FAM184A: variants seen among roughly 807,000 people sequenced by gnomAD.
FAM184A encodes the protein protein FAM184A.
In FAM184A, 99 loss-of-function variants were observed where a neutral mutation model predicts 143.8. That is an observed-to-expected ratio of 0.69 (90% CI 0.58 to 0.81). The LOEUF is 0.81. Ranked by LOEUF, FAM184A falls within the 40% of genes least tolerant of loss-of-function variation. The pLI is 0.00. For synonymous variants in FAM184A, 427 were observed against 446.4 expected (o/e 0.96, Z 0.55); for missense variants, 1,217 against 1,310.5 (o/e 0.93, Z 1.10).
At chr6:118,968,889 T>C (rs1472931396) in intron 14 of FAM184A, among the ~76,000 whole-genome samples, 1 of 152,154 alleles carries the variant, frequency 6.6e-6, no homozygotes, top group African/African-American at 2.4e-5. Flanking sequence ...AGCTTAAACA[T>C]CCTTTGCCTA....
intron 1 of FAM184A, among the ~76,000 whole-genome samples, chr6:119,030,668 T>C (rs1003027111): frequency 6.6e-6 from 1 of 152,006 alleles, no homozygotes; most frequent in Non-Finnish European, 1.5e-5. Context: ...AAGACTTCCT[T>C]ATTAGTTGTA....
chr6:118,986,089 C>G (rs974663331), intron 9 of FAM184A, among the ~76,000 whole-genome samples: 1 of 152,018 alleles, frequency 6.6e-6, no homozygotes, highest in African/African-American at 2.4e-5. Context: ...GTCAGGAGAT[C>G]GAGACCATCC....
At chr6:118,999,907 A>G (rs1220104087) in intron 9 of FAM184A, among the ~76,000 whole-genome samples, 2 of 152,196 alleles carry the variant, frequency 1.3e-5, no homozygotes, top group Non-Finnish European at 2.9e-5. Context: ...GATCATTTTT[A>G]AAGTCACCTA....
In FAM184A at chr6:118,964,660, C is replaced by T; in HGVS notation, c.3138+7G>A. 6.6e-7 allele frequency: 1 copy of T among 1,517,940 alleles called. No homozygotes were observed. The highest frequency in any genetic ancestry group is 9.1e-7 in the Non-Finnish European group (1 of 1,097,642). 94.0% of individuals were successfully genotyped at this position (1,517,940 alleles called of 1,614,324 possible). A position where few individuals can be genotyped will look rare whatever the true frequency, so the allele number is the denominator to read the frequency against. ...CATTCCTATTCTACAGTGTTTACGG[C>T]ACATACCTTAGCCAATGGATTAATA... On this transcript the variant is annotated splice_region_variant and intron_variant, in intron 16 of 17. Transcript: ENST00000338891.
chr6:118,965,215 T>TTTTTTTTTTTTTTTG, intron 15 of FAM184A, among the ~76,000 whole-genome samples: 1 of 150,536 alleles, frequency 6.6e-6, no homozygotes. Context: ...GTTTTTTTTT[T>TTTTTTTTTTTTTTTG]TTTTTTGGTG....
At chr6:119,047,113 C>T (rs991048332) in intron 1 of FAM184A, among the ~76,000 whole-genome samples, 27 of 151,514 alleles carry the variant, frequency 1.8e-4, no homozygotes, top group Non-Finnish European at 3.7e-4. Flanking sequence ...AAATGGCAAA[C>T]AGGCATATAA....
chr6:119,114,294 C>A (rs1789005539), intron 1 of FAM184A, among the ~76,000 whole-genome samples: 2 of 152,204 alleles, frequency 1.3e-5, no homozygotes, highest in South Asian at 4.1e-4. Flanking sequence ...GATTTTCAGA[C>A]AAACAGCAAA....
intron 1 of FAM184A, among the ~76,000 whole-genome samples, chr6:119,062,785 A>G (rs1016165281): frequency 1.3e-5 from 2 of 152,228 alleles, no homozygotes; most frequent in African/African-American, 2.4e-5. Context: ...TCACTCAGAT[A>G]AAGCTAAACA....
At chr6:119,102,698 G>A (rs1233025279) in intron 1 of FAM184A, among the ~76,000 whole-genome samples, 4 of 138,240 alleles carry the variant, frequency 2.9e-5, no homozygotes, top group African/African-American at 1.1e-4. Flanking sequence ...GCTGAGGCAG[G>A]AGAATCGTTT....
upstream of FAM184A, among the ~76,000 whole-genome samples, chr6:119,079,629 C>A (rs1788002610): frequency 6.6e-6 from 1 of 152,114 alleles, no homozygotes. Flanking sequence ...AGAATTGTAC[C>A]TGTTTTTTTA....
intron 1 of FAM184A, among the ~76,000 whole-genome samples, chr6:119,138,593 C>CTTATTATTA (rs141615745): frequency 2.0e-5 from 3 of 148,180 alleles, no homozygotes; most frequent in Admixed American, 6.8e-5. Flanking sequence ...CGCTCTTTCA[C>CTTATTATTA]TTATTATTAT....
At chr6:119,034,689 A>G (rs1786044221) in intron 1 of FAM184A, among the ~76,000 whole-genome samples, 1 of 151,522 alleles carries the variant, frequency 6.6e-6, no homozygotes, top group African/African-American at 2.4e-5. Flanking sequence ...TTTATTTTAT[A>G]GGTTTTTAAT....
intron 1 of FAM184A, among the ~76,000 whole-genome samples, chr6:119,042,544 T>C (rs540508518): frequency 6.6e-5 from 10 of 152,280 alleles, no homozygotes; most frequent in African/African-American, 2.2e-4. Context: ...CGTGGACCCA[T>C]ATGGATTCAC....
At chr6:119,140,552 G>T (rs118039234) in intron 1 of FAM184A, among the ~76,000 whole-genome samples, 1 of 152,112 alleles carries the variant, frequency 6.6e-6, no homozygotes, top group Non-Finnish European at 1.5e-5. Flanking sequence ...CATGCTCTCC[G>T]CTTTCTTTCA....
chr6:119,103,667 C>A (rs562039033), intron 1 of FAM184A, among the ~76,000 whole-genome samples: 1 of 152,070 alleles, frequency 6.6e-6, no homozygotes, highest in South Asian at 2.1e-4. Context: ...GTGGCTCAAG[C>A]CTGTAATCCT....
intron 1 of FAM184A, among the ~76,000 whole-genome samples, chr6:119,031,891 T>C (rs1278908310): frequency 6.6e-6 from 1 of 152,066 alleles, no homozygotes; most frequent in Non-Finnish European, 1.5e-5. Context: ...AAAAATGATA[T>C]AAGGCAAGTA....
intron 16 of FAM184A, chr6:118,963,101 G>A (rs1025553796): frequency 6.6e-6 from 1 of 151,980 alleles, no homozygotes; most frequent in Non-Finnish European, 1.5e-5. Context: ...AACTATTTGT[G>A]AAAACTAAAG....
chr6:119,024,923 C>G, intron 1 of FAM184A, 110 bp from the exon 2 acceptor site: 1 of 1,029,706 alleles, frequency 9.7e-7, no homozygotes, highest in South Asian at 1.7e-5. Flanking sequence ...ATAATATTGG[C>G]TACAGCTAAT....
chr6:119,073,108 G>C (rs762022377), intron 1 of FAM184A, among the ~76,000 whole-genome samples: 6 of 152,186 alleles, frequency 3.9e-5, no homozygotes, highest in Non-Finnish European at 7.3e-5. Context: ...AACAGTATTT[G>C]CAAGTTTGCA....
Sources: allele counts gnomAD v4.1 joint callset (sites outside exome capture counted in the v4.1 genomes callset), GRCh38; gene constraint gnomAD v4.1.1; transcripts MANE v1.5; gene names NCBI Gene and HGNC (gene_info 2026-07-23, HGNC 2026-07-21).